Variants in TPP2 observed in about 807,000 individuals in gnomAD.
TPP2 encodes tripeptidyl peptidase 2, also known as tripeptidyl-peptidase 2.
Under a neutral mutation model 155.9 loss-of-function variants are expected in TPP2, and 34 were observed. The ratio of observed to expected loss-of-function variants is 0.22; its 90% CI spans 0.17 to 0.29. The LOEUF is 0.29. TPP2 is among the 10% of genes least tolerant of loss of function. The pLI is 1.00. For synonymous variants in TPP2, 510 were observed against 529.4 expected (o/e 0.96, Z 0.50); for missense variants, 1,028 against 1,522.3 (o/e 0.68, Z 5.40).
chr13:102,603,449 G>T (rs891208956), intron 1 of TPP2, among the ~76,000 whole-genome samples: 1 of 152,136 alleles, frequency 6.6e-6, no homozygotes. Context: ...TCTGCAGGAG[G>T]GACTTTAATA....
At chr13:102,598,077 C>T (rs1053653320) in intron 1 of TPP2, among the ~76,000 whole-genome samples, 4 of 152,038 alleles carry the variant, frequency 2.6e-5, no homozygotes, top group African/African-American at 9.7e-5. Context: ...AGGTATCATA[C>T]CAGAAGGTAG....
At chr13:102,624,162 A>G (rs1268410136) in intron 6 of TPP2, among the ~76,000 whole-genome samples, 1 of 152,232 alleles carries the variant, frequency 6.6e-6, no homozygotes. Flanking sequence ...GAATAGTACT[A>G]TGCAGTGTTT....
At chr13:102,669,196 A>G (rs1007338691) in intron 27 of TPP2, among the ~76,000 whole-genome samples, 36 of 152,208 alleles carry the variant, frequency 2.4e-4, no homozygotes, top group African/African-American at 8.4e-4. Flanking sequence ...TTAAAAAGTA[A>G]GGGTAAATAA....
intron 3 of TPP2, among the ~76,000 whole-genome samples, chr13:102,615,621 A>C (rs534854513): frequency 6.6e-6 from 1 of 152,266 alleles, no homozygotes; most frequent in African/African-American, 2.4e-5. Context: ...AACCCTATCA[A>C]GTCAAAGAGG....
intron 3 of TPP2, among the ~76,000 whole-genome samples, chr13:102,616,139 TAGAGAC>T (rs1056800428): frequency 2.0e-5 from 3 of 152,146 alleles, no homozygotes; most frequent in African/African-American, 4.8e-5. Flanking sequence ...GTATTTTTAG[TAGAGAC>T]GGGGTTTCAC....
intron 15 of TPP2, among the ~76,000 whole-genome samples, chr13:102,638,812 T>A (rs1009497159): frequency 2.6e-5 from 4 of 152,200 alleles, no homozygotes; most frequent in African/African-American, 9.6e-5. Context: ...GCAGATTATA[T>A]TACTTCCTGC....
chr13:102,663,372 T>C lies in TPP2; in HGVS notation c.3144-276T>C, dbSNP rs560597614. Among the ~76,000 whole-genome samples, 68 of 152,362 alleles carry C rather than the reference T, an allele frequency of 4.5e-4. 1 individual carries two copies. In the Middle Eastern group the frequency reaches 0.014, roughly 30 times the overall value. On this transcript the variant is annotated intron_variant, in intron 25 of 29. Coordinates refer to ENST00000376052, the MANE Select transcript of TPP2 (RefSeq NM_001330588.2). ...CATGTTGGCCAGGATGGTCTTGATCTCTTGCCCTTGTGATCCGCCTGCCTT... is the reference window on the plus strand; with the variant it reads ...CATGTTGGCCAGGATGGTCTTGATCCCTTGCCCTTGTGATCCGCCTGCCTT...
At chr13:102,630,062 T>A (rs1157546009) in intron 9 of TPP2, 34 bp from the exon 10 acceptor site, 2 of 1,588,558 alleles carry the variant, frequency 1.3e-6, no homozygotes, top group African/African-American at 1.3e-5. Flanking sequence ...TCCCCGTTTG[T>A]TTTCTTTTCT....
At position 102,640,876 on chromosome 13, in the gene TPP2, T is replaced by A. The variant is rs1809899887; in HGVS notation, c.2020+500T>A. Among the ~76,000 whole-genome samples, 3 of 152,060 alleles carry A rather than the reference T, an allele frequency of 2.0e-5. No homozygotes were observed. In the South Asian group the frequency reaches 6.2e-4, roughly 32 times the overall value. On this transcript the variant is annotated intron_variant, in intron 16 of 29. Transcript: ENST00000376052. ...CATGTTGGCTAGGATGGTCTCGATC[T>A]CTTGACCTCGTGATACACTCGCCTC...
intron 2 of TPP2, among the ~76,000 whole-genome samples, chr13:102,608,716 C>T (rs1262668862): frequency 6.6e-6 from 1 of 151,974 alleles, no homozygotes; most frequent in East Asian, 1.9e-4. Context: ...CTTCCCTCCC[C>T]TTCCTCCTGT....
chr13:102,660,564 T>G (rs530251119), intron 25 of TPP2, among the ~76,000 whole-genome samples: 4 of 152,360 alleles, frequency 2.6e-5, no homozygotes, highest in African/African-American at 9.6e-5. Flanking sequence ...TACACTATTC[T>G]TCATATTGAT....
Position 102,643,514 on chromosome 13 carries a change from TG to T in TPP2, c.2175+139del, listed in dbSNP as rs548171608. 416 of 908,376 alleles carry T rather than the reference TG, an allele frequency of 4.6e-4. 3 individuals are homozygous for T. In the African/African-American group the frequency reaches 6.7e-3, roughly 15 times the overall value. The allele number at this position is 908,376 out of a possible 1,614,324, so 56.3% of individuals were successfully genotyped here. ...ATATATTTTTTTAATGCCAAAAAAA[TG>T]AAGTAGAAAAATAGAAAATCTAATC... On this transcript the variant is annotated intron_variant, in intron 17 of 29. Transcript: ENST00000376052.
intron 24 of TPP2, among the ~76,000 whole-genome samples, chr13:102,655,328 A>G (rs991323543): frequency 3.3e-5 from 5 of 152,160 alleles, no homozygotes; most frequent in African/African-American, 1.2e-4. Context: ...TTTTTTACTC[A>G]ACCAGAGTAA....
chr13:102,609,866 C>T (rs1229483552), intron 2 of TPP2, among the ~76,000 whole-genome samples: 1 of 152,102 alleles, frequency 6.6e-6, no homozygotes, highest in African/African-American at 2.4e-5. Context: ...ACCATATCAC[C>T]TGTTCTTTGC....
chr13:102,676,765 T>G (rs989648199), intron 29 of TPP2, among the ~76,000 whole-genome samples: 1 of 152,214 alleles, frequency 6.6e-6, no homozygotes, highest in African/African-American at 2.4e-5. Context: ...ATGGTTCAAC[T>G]TCTGGAGTTT....
At chr13:102,659,878 A>G (rs1300885528) in intron 25 of TPP2, among the ~76,000 whole-genome samples, 10 of 152,212 alleles carry the variant, frequency 6.6e-5, no homozygotes, top group African/African-American at 2.4e-5. Context: ...AATATTGTGT[A>G]TATATTAGGC....
chr13:102,627,008 C>T lies in TPP2; in HGVS notation c.785-4C>T. On this transcript the variant is annotated splice_region_variant and splice_polypyrimidine_tract_variant and intron_variant, in intron 6 of 29. Coordinates refer to ENST00000376052, the MANE Select transcript of TPP2 (RefSeq NM_001330588.2). ...TTGTCATTTCCCCACCTTTGTGTCT[C>T]TAGGAGCTCATGGGACACATGTAGC... 6.5e-7 allele frequency: 1 copy of T among 1,549,258 alleles called. No individual in the cohort carries two copies. Among genetic ancestry groups the T allele is most frequent in the Non-Finnish European group, 8.7e-7 (1 of 1,150,986 alleles).
At chr13:102,633,279 A>G (rs979975941) in intron 10 of TPP2, among the ~76,000 whole-genome samples, 5 of 152,244 alleles carry the variant, frequency 3.3e-5, no homozygotes, top group African/African-American at 1.2e-4. Context: ...GTTAGACTTC[A>G]GCTGTCCAGT....
intron 1 of TPP2, among the ~76,000 whole-genome samples, chr13:102,598,258 G>T (rs1879137628): frequency 6.6e-6 from 1 of 152,094 alleles, no homozygotes; most frequent in South Asian, 2.1e-4. Flanking sequence ...ATCTCTCGTT[G>T]ATCAGCCCCT....
Sources: allele counts gnomAD v4.1 joint callset (sites outside exome capture counted in the v4.1 genomes callset), GRCh38; gene constraint gnomAD v4.1.1; transcripts MANE v1.5; gene names NCBI Gene and HGNC (gene_info 2026-07-23, HGNC 2026-07-21).